The following OSBPL10 variants were observed in gnomAD, a reference collection of about 807,000 sequenced individuals.
The protein encoded by OSBPL10 is oxysterol binding protein like 10.
In OSBPL10, 49 loss-of-function variants were observed where a neutral mutation model predicts 81.7. That is an observed-to-expected ratio of 0.60 (90% confidence interval 0.48 to 0.76). The LOEUF is 0.76. Ranked by LOEUF, OSBPL10 falls within the 30% of genes least tolerant of loss-of-function variation. OSBPL10 has a pLI of 0.00. For synonymous variants in OSBPL10, 419 were observed against 383.6 expected (o/e 1.09, Z -1.08); for missense variants, 923 against 987.8 (o/e 0.93, Z 0.88).
At chr3:31,747,251 G>T (rs1346487422) in intron 5 of OSBPL10, among the ~76,000 whole-genome samples, 1 of 151,942 alleles carries the variant, frequency 6.6e-6, no homozygotes, top group Non-Finnish European at 1.5e-5. Flanking sequence ...CCAGGAGGCG[G>T]AGGCTGTAGT....
chr3:31,686,524 A>G (rs1700796492), intron 7 of OSBPL10, among the ~76,000 whole-genome samples: 1 of 152,250 alleles, frequency 6.6e-6, no homozygotes, highest in African/African-American at 2.4e-5. Flanking sequence ...CAAAATGTTA[A>G]CATATCTGTC....
chr3:31,857,051 G>T (rs958931721), intron 3 of OSBPL10, among the ~76,000 whole-genome samples: 1 of 152,180 alleles, frequency 6.6e-6, no homozygotes, highest in Admixed American at 6.5e-5. Flanking sequence ...GTGAGACCCT[G>T]CCTTGAAAAA....
rs531234873 is a variant in OSBPL10 at position 31,941,126 on chromosome 3, G to A, written c.281+39773C>T. Among the ~76,000 whole-genome samples, 117 of 152,234 alleles carry A rather than the reference G, an allele frequency of 7.7e-4. 2 individuals carry two copies. In the South Asian group the frequency reaches 8.9e-3, roughly 12 times the overall value. On this transcript the variant is annotated intron_variant, in intron 1 of 11. Coordinates refer to ENST00000396556, the MANE Select transcript of OSBPL10 (RefSeq NM_017784.5). ...TTGCTTTCTCCTCAAGCTAAACACA[G>A]AAGGATGAACAGTTGCAATATCAAT...
At chr3:31,675,639 A>C (rs2013777) in intron 8 of OSBPL10, among the ~76,000 whole-genome samples, 75,506 of 152,020 alleles carry the variant, frequency 0.5, 21,502 homozygotes, top group African/African-American at 0.78. Context: ...GGTATCACCA[A>C]CTGGCAATAA....
In OSBPL10 at chr3:31,953,993, T is replaced by A. The variant is rs1231890683; in HGVS notation, c.281+26906A>T. 2.6e-5 allele frequency among the ~76,000 whole-genome samples: 4 copies of A among 152,210 alleles called. No individual in the cohort carries two copies. In the East Asian group the frequency reaches 7.7e-4, roughly 29 times the overall value. ...CTTAACATCAAAGCTAAATAGGAACTTGTTTCCAGCTCCAGTTGTTGCAGC... is the reference window on the plus strand; with the variant it reads ...CTTAACATCAAAGCTAAATAGGAACATGTTTCCAGCTCCAGTTGTTGCAGC... On this transcript the variant is annotated intron_variant, in intron 1 of 11. Transcript: ENST00000396556.
chr3:31,680,148 G>A (rs914875817), intron 8 of OSBPL10, among the ~76,000 whole-genome samples: 15 of 152,162 alleles, frequency 9.9e-5, no homozygotes, highest in African/African-American at 3.6e-4. Flanking sequence ...AGAGGCCGGT[G>A]AGGAAATACC....
chr3:31,845,369 G>A (rs557953051), intron 3 of OSBPL10, among the ~76,000 whole-genome samples: 1 of 152,172 alleles, frequency 6.6e-6, no homozygotes, highest in African/African-American at 2.4e-5. Flanking sequence ...GAGAGATACT[G>A]GAAGCAATGA....
At chr3:32,029,939 A>G (rs1274842449) in intron 2 of OSBPL10, among the ~76,000 whole-genome samples, 2 of 152,234 alleles carry the variant, frequency 1.3e-5, no homozygotes, top group African/African-American at 4.8e-5. Flanking sequence ...TCTGAAAGCA[A>G]TAAACACTCT....
At chr3:31,895,851 A>T (rs1696038734) in intron 1 of OSBPL10, among the ~76,000 whole-genome samples, 2 of 152,218 alleles carry the variant, frequency 1.3e-5, no homozygotes, top group South Asian at 4.1e-4. Context: ...ATTTGTGGGA[A>T]GCATAATCAA....
At chr3:31,735,912 A>T (rs1697143369) in intron 5 of OSBPL10, among the ~76,000 whole-genome samples, 3 of 152,220 alleles carry the variant, frequency 2.0e-5, no homozygotes, top group Admixed American at 2.0e-4. Flanking sequence ...GGACAAGAAC[A>T]ATACTGCCCT....
At chr3:31,729,720 G>A (rs1289803993) in intron 6 of OSBPL10, among the ~76,000 whole-genome samples, 1 of 152,114 alleles carries the variant, frequency 6.6e-6, no homozygotes, top group Non-Finnish European at 1.5e-5. Flanking sequence ...CGCCCAGCCG[G>A]CACCTTAGAC....
intron 4 of OSBPL10, among the ~76,000 whole-genome samples, chr3:31,752,263 A>T (rs1697745119): frequency 6.6e-6 from 1 of 152,198 alleles, no homozygotes; most frequent in Non-Finnish European, 1.5e-5. Flanking sequence ...TACTTCCTCC[A>T]AGGCACACCA....
At chr3:31,822,913 T>TAAAAAAA (rs71097447) in intron 4 of OSBPL10, among the ~76,000 whole-genome samples, 108 of 89,078 alleles carry the variant, frequency 1.2e-3, no homozygotes, top group African/African-American at 2.2e-3. Flanking sequence ...CCCCCAACTC[T>TAAAAAAA]AAAAAAAAAA....
At chr3:31,783,810 A>T (rs1559463276) in intron 4 of OSBPL10, among the ~76,000 whole-genome samples, 3 of 75,536 alleles carry the variant, frequency 4.0e-5, no homozygotes, top group African/African-American at 1.4e-4. Flanking sequence ...AAAAAAAAAA[A>T]AAAAAAAAAA....
intron 4 of OSBPL10, among the ~76,000 whole-genome samples, chr3:31,820,367 C>T (rs1559479700): frequency 2.0e-5 from 3 of 151,996 alleles, no homozygotes; most frequent in East Asian, 1.9e-4. Context: ...GAGGCTGAGG[C>T]GGGTGGCTCA....
intron 8 of OSBPL10, 92 bp from the exon 9 acceptor site, chr3:31,671,075 T>A: frequency 8.1e-7 from 1 of 1,241,988 alleles, no homozygotes; most frequent in South Asian, 1.6e-5. Context: ...CCAAAGAGCC[T>A]CCTGCACAGA....
At chr3:31,920,569 T>G (rs4383558) in intron 1 of OSBPL10, among the ~76,000 whole-genome samples, 55,447 of 152,048 alleles carry the variant, frequency 0.36, 11,974 homozygotes, top group Non-Finnish European at 0.5. Flanking sequence ...ACATGTGTAC[T>G]GGAACTAAAC....
At chr3:31,917,485 C>A (rs1352857031) in intron 1 of OSBPL10, among the ~76,000 whole-genome samples, 2 of 151,780 alleles carry the variant, frequency 1.3e-5, no homozygotes, top group African/African-American at 2.4e-5. Context: ...AAATAGGTAA[C>A]CCCCAGCTGA....
intron 4 of OSBPL10, among the ~76,000 whole-genome samples, chr3:31,775,191 T>C (rs922827600): frequency 4.6e-5 from 7 of 151,816 alleles, no homozygotes; most frequent in Non-Finnish European, 1.0e-4. Flanking sequence ...AGAATGGAGC[T>C]GTGGAAGGAA....
Sources: gnomAD v4.1 joint callset for allele counts (sites outside exome capture counted in the v4.1 genomes callset) on GRCh38, gnomAD v4.1.1 for gene constraint, MANE v1.5 for transcripts, NCBI Gene and HGNC (gene_info 2026-07-23, HGNC 2026-07-21) for gene names.